The following FRMPD4 variants were observed in gnomAD, a reference collection of about 807,000 sequenced individuals.
The protein encoded by FRMPD4 is FERM and PDZ domain containing 4.
A neutral mutation model predicts 94.1 loss-of-function variants in FRMPD4; 22 were observed. The observed-to-expected ratio is 0.23, with a 90% CI of 0.17 to 0.33. FRMPD4 has a LOEUF of 0.33. FRMPD4 is among the 10% of genes least tolerant of loss of function. FRMPD4 has a pLI of 1.00. For synonymous variants in FRMPD4, 631 were observed against 548.6 expected (o/e 1.15, Z -2.10); for missense variants, 1,111 against 1,339.9 (o/e 0.83, Z 2.67).
chrX:12,342,607 G>A (rs187453701), intron 1 of FRMPD4, among the ~76,000 whole-genome samples: 42 of 111,855 alleles, frequency 3.8e-4, no homozygotes, highest in African/African-American at 1.3e-3. Context: ...GGAAATATTT[G>A]GAAAAATAAC....
chrX:12,249,041 A>C (rs934225495), intron 1 of FRMPD4, among the ~76,000 whole-genome samples: 31 of 113,008 alleles, frequency 2.7e-4, no homozygotes, highest in Non-Finnish European at 4.5e-4. Context: ...TCCGTCTCAA[A>C]AAACAAACAA....
intron 2 of FRMPD4, among the ~76,000 whole-genome samples, chrX:12,588,862 T>G (rs2058956871): frequency 8.9e-6 from 1 of 112,481 alleles, no homozygotes; most frequent in African/African-American, 3.2e-5. Context: ...ACATACATTT[T>G]TTTCTTTTTT....
chrX:12,400,591 T>C, intron 1 of FRMPD4, among the ~76,000 whole-genome samples: 1 of 112,267 alleles, frequency 8.9e-6, no homozygotes, highest in Non-Finnish European at 1.9e-5. Flanking sequence ...ACTCTTGAGA[T>C]TTTTTACTGC....
intron 1 of FRMPD4, among the ~76,000 whole-genome samples, chrX:12,331,945 T>TA (rs2055413034): frequency 4.7e-5 from 2 of 42,957 alleles, no homozygotes; most frequent in African/African-American, 1.1e-4. Flanking sequence ...ATAAATTATA[T>TA]ATATTTATAT....
intron 4 of FRMPD4, among the ~76,000 whole-genome samples, chrX:12,635,722 T>A (rs1002054555): frequency 6.3e-5 from 7 of 111,548 alleles, no homozygotes; most frequent in African/African-American, 2.3e-4. Context: ...GGGTAGCCGT[T>A]AATAAATGAA....
chrX:12,656,793 T>C (rs982508127), intron 4 of FRMPD4, among the ~76,000 whole-genome samples: 1 of 111,603 alleles, frequency 9.0e-6, no homozygotes, highest in African/African-American at 3.3e-5. Context: ...TATTGGTACA[T>C]AACAAATTAC....
chrX:12,267,978 A>G (rs1218197515), intron 1 of FRMPD4, among the ~76,000 whole-genome samples: 1 of 112,854 alleles, frequency 8.9e-6, no homozygotes, highest in Non-Finnish European at 1.9e-5. Flanking sequence ...GTGGTTTAAT[A>G]CAATAAAAGT....
chrX:12,093,224 G>A (rs762652623), intron 3 of FRMPD4, among the ~76,000 whole-genome samples: 1 of 111,561 alleles, frequency 9.0e-6, no homozygotes, highest in South Asian at 3.8e-4. Context: ...ATCATTTAGA[G>A]GGTTATGAGC....
intron 1 of FRMPD4, among the ~76,000 whole-genome samples, chrX:12,252,050 A>C (rs2054047744): frequency 8.9e-6 from 1 of 112,527 alleles, no homozygotes; most frequent in Non-Finnish European, 1.9e-5. Flanking sequence ...GAAAATCTTA[A>C]GTTTTAAAGG....
At chrX:12,554,211 C>T (rs2058570934) in intron 2 of FRMPD4, among the ~76,000 whole-genome samples, 1 of 112,108 alleles carries the variant, frequency 8.9e-6, no homozygotes, top group Admixed American at 9.5e-5. Context: ...TTTATATAGA[C>T]TATTGTTTAT....
Position 11,957,525 on chromosome X carries a change from C to CAAAATAAAATAAAATAAAAT in FRMPD4, c.95+79517_95+79536dup, listed in dbSNP as rs773502928. Reference sequence around the variant, plus strand: ...GGCTGCAGTGAGTGAGACCCTGTCTCAAAATAAAATAAAATAAAATAAAAT... The same window carrying CAAAATAAAATAAAATAAAAT: ...GGCTGCAGTGAGTGAGACCCTGTCTCAAAATAAAATAAAATAAAATAAAATAAAATAAAATAAAATAAAAT... On this transcript the variant is annotated intron_variant, in intron 3 of 18. Coordinates refer to the FRMPD4 transcript ENST00000640291. Among the ~76,000 whole-genome samples the CAAAATAAAATAAAATAAAAT allele has an allele frequency of 5.8e-4, 63 of 108,415 alleles. 2 individuals are homozygous for CAAAATAAAATAAAATAAAAT. Among genetic ancestry groups the CAAAATAAAATAAAATAAAAT allele is most frequent in the East Asian group, 5.8e-3 (19 of 3,304 alleles). 94.1% of individuals were successfully genotyped at this position (108,415 alleles called of 115,157 possible). A position where few individuals can be genotyped will look rare whatever the true frequency, so the allele number is the denominator to read the frequency against.
At chrX:11,910,597 A>G (rs991442612) in intron 3 of FRMPD4, among the ~76,000 whole-genome samples, 1 of 111,375 alleles carries the variant, frequency 9.0e-6, no homozygotes, top group Non-Finnish European at 1.9e-5. Context: ...TGTGTTTTTA[A>G]TAGGGATGGG....
rs996650569 is a variant in FRMPD4 at position 11,986,882 on chromosome X, T to C, written c.95+108864T>C. On this transcript the variant is annotated intron_variant, in intron 3 of 18. Coordinates refer to the FRMPD4 transcript ENST00000640291. ...AGAAACCTAAAACCCAAACAGCCAA[T>C]AACAAGTGATGTGATCAAAGCCATA... Among the ~76,000 whole-genome samples the C allele has an allele frequency of 1.7e-4, 18 of 108,449 alleles. 1 individual carries two copies. Among genetic ancestry groups the C allele is most frequent in the Admixed American group, 4.9e-4 (5 of 10,146 alleles). The allele number at this position is 108,449 out of a possible 115,157, so 94.2% of individuals were successfully genotyped here.
intron 1 of FRMPD4, among the ~76,000 whole-genome samples, chrX:12,434,762 C>T (rs2057046218): frequency 8.9e-6 from 1 of 112,766 alleles, no homozygotes; most frequent in African/African-American, 3.2e-5. Context: ...AGGGCAGCTA[C>T]ACAGTGCAGG....
At chrX:12,677,936 T>TG (rs992431655) in intron 5 of FRMPD4, among the ~76,000 whole-genome samples, 2 of 112,159 alleles carry the variant, frequency 1.8e-5, no homozygotes, top group African/African-American at 6.5e-5. Flanking sequence ...CTGTTTTTCT[T>TG]GGGAAAAAAA....
In FRMPD4 at chrX:12,718,392, G is replaced by A. The variant is rs751628514; in HGVS notation, c.3566G>A (p.Arg1189His). The A allele has an allele frequency of 2.1e-4, 254 of 1,210,037 alleles. No individual in the cohort carries two copies. Among genetic ancestry groups the A allele is most frequent in the Non-Finnish European group, 2.6e-4 (236 of 895,048 alleles). ...CCTGAGGCTGATGAGAGTGTGGCCC[G>A]CCTTTGTGACTACCACTTGGCCAAG... ...KLPEADESVA[R>H]LCDYHLAKRM... is the part of the protein sequence containing the mutation. The change falls in exon 16 of 17, where the codon CGC (arginine) becomes CAC (histidine). Residue 1189 changes from arginine to histidine, a missense_variant. This residue lies in a region of FRMPD4 where 551 missense variants were observed against 591.6 expected (regional missense o/e 0.93). Transcript: ENST00000675598.
At chrX:12,141,430 T>G (rs2055688602) in intron 1 of FRMPD4, among the ~76,000 whole-genome samples, 1 of 112,207 alleles carries the variant, frequency 8.9e-6, no homozygotes, top group Admixed American at 9.4e-5. Context: ...TACAGAGAAT[T>G]CCAAGAGAAT....
intron 1 of FRMPD4, among the ~76,000 whole-genome samples, chrX:12,418,349 TC>T (rs1257508084): frequency 0.032 from 1,673 of 51,886 alleles, 40 homozygotes; most frequent in African/African-American, 0.15. Flanking sequence ...AGTGTTTCTT[TC>T]TTTTTTTTTT....
intron 3 of FRMPD4, among the ~76,000 whole-genome samples, chrX:11,987,119 A>C (rs1229424955): frequency 1.0e-5 from 1 of 99,286 alleles, no homozygotes; most frequent in Non-Finnish European, 2.0e-5. Flanking sequence ...AAAAAAAAAA[A>C]AAAAAAAAAA....
Sources: allele counts gnomAD v4.1 joint callset (sites outside exome capture counted in the v4.1 genomes callset), GRCh38; gene constraint gnomAD v4.1.1; regional missense constraint gnomAD v4.1.1; transcripts MANE v1.5; gene names NCBI Gene and HGNC (gene_info 2026-07-23, HGNC 2026-07-21).